The following TBX20 variants were observed in gnomAD, a reference collection of about 807,000 sequenced individuals.
TBX20 encodes the protein T-box transcription factor 20, also known as T-box transcription factor TBX20.
In TBX20, 8 loss-of-function variants were observed where a neutral mutation model predicts 42.9. The observed-to-expected ratio is 0.19, with a 90% CI of 0.11 to 0.34. TBX20 has a LOEUF of 0.34. TBX20 is among the 10% of genes least tolerant of loss of function. TBX20 has a pLI of 1.00. For missense variants in TBX20, 411 were observed against 566.0 expected (o/e 0.73, Z 2.78); for synonymous variants, 198 against 222.8 (o/e 0.89, Z 0.99).
chr7:35,222,301 G>C (rs1584346362), intron 6 of TBX20, among the ~76,000 whole-genome samples: 1 of 152,186 alleles, frequency 6.6e-6, no homozygotes, highest in East Asian at 1.9e-4. Context: ...CACATGTGGA[G>C]TGTTGGCCAT....
chr7:35,245,412 T>C (rs2128715370), intron 3 of TBX20, among the ~76,000 whole-genome samples: 1 of 151,994 alleles, frequency 6.6e-6, no homozygotes, highest in African/African-American at 2.4e-5. Flanking sequence ...TTGTTGAAGG[T>C]GCTTTCAAAA....
intron 3 of TBX20, among the ~76,000 whole-genome samples, chr7:35,247,416 GTTAT>G (rs1160619190): frequency 6.6e-6 from 1 of 151,914 alleles, no homozygotes; most frequent in Non-Finnish European, 1.5e-5. Context: ...AGTCTTGACT[GTTAT>G]TTAATATACT....
chr7:35,203,682 T>C (rs1230006699), intron 7 of TBX20, among the ~76,000 whole-genome samples: 2 of 152,234 alleles, frequency 1.3e-5, no homozygotes, highest in East Asian at 1.9e-4. Flanking sequence ...TGAAAAGTTA[T>C]ATGCACGTTT....
chr7:35,233,162 A>G (rs1318104648), intron 5 of TBX20, among the ~76,000 whole-genome samples: 1 of 152,164 alleles, frequency 6.6e-6, no homozygotes, highest in African/African-American at 2.4e-5. Context: ...TTTCTTTTTC[A>G]TGGTTTCTGA....
rs1187858416 is a variant in TBX20 at position 35,202,778 on chromosome 7, G to C, written c.1004-8C>G. 1.9e-6 allele frequency: 3 copies of C among 1,545,678 alleles called. No individual in the cohort carries two copies. The highest frequency in any genetic ancestry group is 2.6e-6 in the Non-Finnish European group (3 of 1,143,398). On this transcript the variant is annotated splice_polypyrimidine_tract_variant and splice_region_variant and intron_variant, in intron 7 of 7. Coordinates refer to ENST00000408931, the MANE Select transcript of TBX20 (RefSeq NM_001077653.2). ...ATGTTGTAAAGGCTGACCCTGTAAG[G>C]AAAAACACTCATTAGACTGGAAACA...
At chr7:35,215,062 A>G (rs1267444682) in intron 6 of TBX20, among the ~76,000 whole-genome samples, 1 of 152,232 alleles carries the variant, frequency 6.6e-6, no homozygotes, top group Non-Finnish European at 1.5e-5. Flanking sequence ...TATCTTTCAC[A>G]TAACACACAC....
intron 4 of TBX20, among the ~76,000 whole-genome samples, chr7:35,241,344 A>C (rs1190185074): frequency 2.0e-5 from 3 of 152,236 alleles, no homozygotes; most frequent in African/African-American, 7.2e-5. Context: ...ACGTCTTTTA[A>C]ATACTTTTGG....
chr7:35,243,695 G>GT (rs1790125166), intron 4 of TBX20, among the ~76,000 whole-genome samples: 1 of 129,984 alleles, frequency 7.7e-6, no homozygotes, highest in Admixed American at 8.5e-5. Flanking sequence ...GTGGAAGCAT[G>GT]TTAAAAAAAA....
intron 3 of TBX20, 144 bp downstream of exon 3, chr7:35,248,533 C>G: frequency 2.4e-6 from 2 of 845,016 alleles, no homozygotes; most frequent in Non-Finnish European, 3.9e-6. Context: ...TTTGTGTAGT[C>G]AATCCTGGAG....
At chr7:35,247,935 C>G (rs1469711357) in intron 3 of TBX20, among the ~76,000 whole-genome samples, 1 of 152,128 alleles carries the variant, frequency 6.6e-6, no homozygotes, top group African/African-American at 2.4e-5. Flanking sequence ...TTAGAACTCT[C>G]ATTTAGTTAA....
In TBX20 at chr7:35,253,681, C is replaced by T; in HGVS notation, c.-61G>A. On this transcript the variant is annotated 5_prime_UTR_variant, in exon 1 of 8. Transcript: ENST00000408931. ...CGTCCGAACTGCCGTCCAGATTCCC[C>T]AAGGGAGACAAAGACCCGAAACACA... 1 of 1,583,172 alleles carries T rather than the reference C, an allele frequency of 6.3e-7. No individual in the cohort carries two copies. The highest frequency in any genetic ancestry group is 8.6e-7 in the Non-Finnish European group (1 of 1,167,772).
At chr7:35,208,049 C>T (rs2128710153) in intron 6 of TBX20, among the ~76,000 whole-genome samples, 1 of 152,260 alleles carries the variant, frequency 6.6e-6, no homozygotes, top group Middle Eastern at 3.4e-3. Flanking sequence ...CTTAATATTG[C>T]ATCCTTCAAA....
At chr7:35,238,733 A>T (rs1032372820) in intron 5 of TBX20, among the ~76,000 whole-genome samples, 1 of 152,190 alleles carries the variant, frequency 6.6e-6, no homozygotes, top group African/African-American at 2.4e-5. Context: ...CTTCCATCTA[A>T]ACCCCAACTT....
Position 35,249,925 on chromosome 7 carries a change from AC to A in TBX20, c.380+25del. ...GGAGTGTCCTGACTCTCCACCCCCA[AC>A]CCCCAACCCCCAAGTCCCAACTACC... On this transcript the variant is annotated intron_variant, in intron 2 of 7. Coordinates refer to ENST00000408931, the MANE Select transcript of TBX20 (RefSeq NM_001077653.2). The surrounding 1 kb of genome is among the most constrained non-coding windows in gnomAD (Gnocchi z 4.3). 1.3e-6 allele frequency: 2 copies of A among 1,578,910 alleles called. No individual in the cohort carries two copies. Among genetic ancestry groups the A allele is most frequent in the East Asian group, 2.3e-5 (1 of 44,434 alleles).
intron 6 of TBX20, among the ~76,000 whole-genome samples, chr7:35,208,532 C>T (rs184595628): frequency 6.6e-6 from 1 of 151,974 alleles, no homozygotes. Flanking sequence ...CACCTGAGGT[C>T]GGGAGTTCAA....
chr7:35,218,811 G>C (rs1428346131), intron 6 of TBX20, among the ~76,000 whole-genome samples: 1 of 152,128 alleles, frequency 6.6e-6, no homozygotes, highest in Non-Finnish European at 1.5e-5. Context: ...AATATTGAGA[G>C]GTCAGGACTT....
chr7:35,240,151 C>T (rs1051481321), intron 5 of TBX20, among the ~76,000 whole-genome samples: 2 of 152,110 alleles, frequency 1.3e-5, no homozygotes, highest in Non-Finnish European at 2.9e-5. Context: ...TTTTGGATCT[C>T]GGATTTTCTC....
chr7:35,228,901 C>T (rs1371792723), intron 6 of TBX20, among the ~76,000 whole-genome samples: 3 of 152,104 alleles, frequency 2.0e-5, no homozygotes, highest in African/African-American at 7.2e-5. Context: ...ATGAGGAAGA[C>T]GATGTCCCTG....
chr7:35,243,003 G>T (rs1430605953), intron 4 of TBX20, among the ~76,000 whole-genome samples: 1 of 151,902 alleles, frequency 6.6e-6, no homozygotes, highest in East Asian at 1.9e-4. Flanking sequence ...TTTGAGACAG[G>T]GTCTTGCTCT....
Sources: gnomAD v4.1 joint callset for allele counts (sites outside exome capture counted in the v4.1 genomes callset) on GRCh38, gnomAD v4.1.1 for gene constraint, Gnocchi (gnomAD v3.1) non-coding constraint, MANE v1.5 for transcripts, NCBI Gene and HGNC (gene_info 2026-07-23, HGNC 2026-07-21) for gene names.